Variants in COPB2 observed in about 807,000 individuals in gnomAD.
COPB2 encodes coat protein complex I subunit beta 2.
COPB2 carries 16 observed loss-of-function variants against 120.8 expected under a neutral mutation model. The observed-to-expected ratio is 0.13, with a 90% CI of 0.09 to 0.20. COPB2 has a LOEUF of 0.20. Ranked by LOEUF, COPB2 falls within the 10% of genes least tolerant of loss-of-function variation. COPB2 has a pLI of 1.00. For missense variants in COPB2, 794 were observed against 1,076.5 expected (o/e 0.74, Z 3.67); for synonymous variants, 332 against 366.3 (o/e 0.91, Z 1.07).
intron 21 of COPB2, 98 bp from the exon 22 acceptor site, chr3:139,358,056 A>G (rs1941326051): frequency 9.8e-7 from 1 of 1,025,592 alleles, no homozygotes; most frequent in Non-Finnish European, 1.4e-6. Context: ...AGATTTTCTT[A>G]ATAGTCAAAA....
chr3:139,378,078 T>C lies in COPB2; in HGVS notation c.467A>G (p.Asn156Ser). The C allele has an allele frequency of 1.3e-6, 2 of 1,579,828 alleles. No individual in the cohort carries two copies. Among genetic ancestry groups the C allele is most frequent in the Non-Finnish European group, 8.7e-7 (1 of 1,155,320 alleles). ...MQIVINPKDNNQFASASLDRT... is the reference protein window; with the variant it reads ...MQIVINPKDNSQFASASLDRT... ...GTCCAAAGAGGCACTGGCAAACTGATTGTTATCTTTGGGGTTGATCACAAT... is the reference window on the plus strand; with the variant it reads ...GTCCAAAGAGGCACTGGCAAACTGACTGTTATCTTTGGGGTTGATCACAAT... The change falls in exon 5 of 22, where the codon AAT becomes AGT. Residue 156 changes from asparagine (N) to serine (S), a missense_variant. Asn to Ser is a conservative substitution (Grantham distance 46). Around this residue, in one of 3 missense-constraint regions of COPB2, gnomAD observed 610 missense variants for 866.7 expected, o/e 0.70. Coordinates refer to ENST00000333188, the MANE Select transcript of COPB2 (RefSeq NM_004766.3).
chr3:139,380,368 G>C (rs1389820913), intron 2 of COPB2: 1 of 152,008 alleles, frequency 6.6e-6, no homozygotes, highest in African/African-American at 2.4e-5. Flanking sequence ...CAATTCTTTT[G>C]CATGCTTTAG....
Position 139,375,477 on chromosome 3 carries a change from C to A in COPB2, c.642G>T (p.Trp214Cys). The A allele has an allele frequency of 1.2e-6, 2 of 1,611,456 alleles. No homozygotes were observed. Among genetic ancestry groups the A allele is most frequent in the Non-Finnish European group, 1.7e-6 (2 of 1,178,392 alleles). The change falls in exon 6 of 22, where the codon TGG (tryptophan) becomes TGT (cysteine). Residue 214 changes from tryptophan (W) to cysteine (C), a missense_variant. By Grantham distance (215) the Trp-to-Cys change is radical. Around this residue, in one of 3 missense-constraint regions of COPB2, gnomAD observed 610 missense variants for 866.7 expected, o/e 0.70. Coordinates refer to ENST00000333188, the MANE Select transcript of COPB2 (RefSeq NM_004766.3). ...TTATGAAAAACTGTACCTGATAATC[C>A]CATATTTTAACAAGACGGTCATCTG... is the stretch of plus-strand genomic sequence containing the variant. ...SGADDRLVKI[W>C]DYQNKTCVQT...
chr3:139,357,870 T>C lies in COPB2; in HGVS notation c.2714A>G (p.Asp905Gly). ...TDINLDEDIL[D>G]D ...AAATGGAAAGCATTACAGTCAATCA[T>C]CCAAAATATCTTCATCCAGATTGAT... Residue 905 changes from aspartate (D) to glycine (G), a missense_variant, in exon 22 of 22, where the codon GAT becomes GGT. Coordinates refer to ENST00000333188, the MANE Select transcript of COPB2 (RefSeq NM_004766.3). 2 of 1,556,424 alleles carry C rather than the reference T, an allele frequency of 1.3e-6. No homozygotes were observed. The highest frequency in any genetic ancestry group is 2.2e-5 in the East Asian group (1 of 44,576).
Position 139,374,530 on chromosome 3 carries a change from A to G in COPB2, c.710T>C (p.Phe237Ser), listed in dbSNP as rs1432299179. 1 of 1,614,072 alleles carries G rather than the reference A, an allele frequency of 6.2e-7. No homozygotes were observed. The highest frequency in any genetic ancestry group is 1.7e-5 in the Admixed American group (1 of 60,018). Residue 237 changes from phenylalanine (F) to serine (S), a missense_variant, in exon 7 of 22, where the codon TTT becomes TCT. Physicochemically the swap from Phe to Ser is radical, Grantham distance 155. Coordinates refer to ENST00000333188, the MANE Select transcript of COPB2 (RefSeq NM_004766.3). ...GHAQNVSCASFHPELPIIITG... is the reference protein window; with the variant it reads ...GHAQNVSCASSHPELPIIITG... ...GATAATGATTGGCAACTCAGGATGAAAGCTGGCACAAGACACATTTTGGGC... is the reference window on the plus strand; with the variant it reads ...GATAATGATTGGCAACTCAGGATGAGAGCTGGCACAAGACACATTTTGGGC...
chr3:139,383,787 T>C (rs953669842), intron 1 of COPB2, among the ~76,000 whole-genome samples: 1 of 141,874 alleles, frequency 7.0e-6, no homozygotes, highest in African/African-American at 2.4e-5. Flanking sequence ...AATATTTATA[T>C]ATTAATTCAT....
At chr3:139,364,253 CA>C (rs1941476550) in intron 15 of COPB2, among the ~76,000 whole-genome samples, 1 of 152,100 alleles carries the variant, frequency 6.6e-6, no homozygotes. Context: ...TAAAAACAAA[CA>C]AACTGCCCTA....
intron 15 of COPB2, among the ~76,000 whole-genome samples, chr3:139,365,889 C>A (rs9851318): frequency 0.38 from 57,896 of 151,940 alleles, 13,779 homozygotes; most frequent in Non-Finnish European, 0.53. Flanking sequence ...GAGTAGTGAT[C>A]AATCAAAATT....
chr3:139,365,441 A>T (rs901324560), intron 15 of COPB2, among the ~76,000 whole-genome samples: 2 of 152,242 alleles, frequency 1.3e-5, no homozygotes, highest in Non-Finnish European at 2.9e-5. Context: ...GAACAATGGC[A>T]CTTTCAGATA....
At chr3:139,368,769 C>T (rs147665986) in intron 12 of COPB2, among the ~76,000 whole-genome samples, 4 of 152,112 alleles carry the variant, frequency 2.6e-5, no homozygotes, top group African/African-American at 7.2e-5. Context: ...ACTGAGGATG[C>T]GTGCTCTAGA....
At chr3:139,385,527 T>A (rs1941904225) in intron 1 of COPB2, 1 of 152,196 alleles carries the variant, frequency 6.6e-6, no homozygotes, top group African/African-American at 2.4e-5. Flanking sequence ...TAATGTGTGA[T>A]CAATAAGGGT....
rs1470639058 is a variant in COPB2 at position 139,379,453 on chromosome 3, G to T, written c.155C>A (p.Thr52Lys). ...WNHETQTLVKTFEVCDLPVRA... is the reference protein window; with the variant it reads ...WNHETQTLVKKFEVCDLPVRA... Reference sequence around the variant, plus strand: ...AACAGGAAGATCACATACTTCAAATGTCTTCACCAGTGTCTTTAAAATGTA... The same window carrying T: ...AACAGGAAGATCACATACTTCAAATTTCTTCACCAGTGTCTTTAAAATGTA... The change falls in exon 3 of 22, where the codon ACA becomes AAA. Residue 52 changes from threonine to lysine, a missense_variant. Thr to Lys is a moderately conservative substitution (Grantham distance 78). Coordinates refer to ENST00000333188, the MANE Select transcript of COPB2 (RefSeq NM_004766.3). 6.2e-7 allele frequency: 1 copy of T among 1,613,706 alleles called. No individual in the cohort carries two copies. Among genetic ancestry groups the T allele is most frequent in the South Asian group, 1.1e-5 (1 of 90,984 alleles).
rs112036996 is a variant in COPB2 at position 139,358,059 on chromosome 3, A to T, written c.2626-101T>A. 3.0e-6 allele frequency: 3 copies of T among 1,012,152 alleles called. No individual in the cohort carries two copies. In the African/African-American group the frequency reaches 4.9e-5, roughly 16 times the overall value. 62.7% of individuals were successfully genotyped at this position (1,012,152 alleles called of 1,614,324 possible). A position where few individuals can be genotyped will look rare whatever the true frequency, so the allele number is the denominator to read the frequency against. On this transcript the variant is annotated intron_variant, in intron 21 of 21. Coordinates refer to ENST00000333188, the MANE Select transcript of COPB2 (RefSeq NM_004766.3). ...AAGTGAGAACTAAGATTTTCTTAATAGTCAAAAAGAGCATCTTCCCATTTC... is the reference window on the plus strand; with the variant it reads ...AAGTGAGAACTAAGATTTTCTTAATTGTCAAAAAGAGCATCTTCCCATTTC...
rs566416372 is a variant in COPB2, at chr3:139,365,386, CCAA to C, written c.1884+1179_1884+1181del. Among the ~76,000 whole-genome samples the C allele has an allele frequency of 1.4e-4, 21 of 152,288 alleles. No individual in the cohort carries two copies. The South Asian group carries it at 4.4e-3, about 32-fold the overall frequency. The stretch of plus-strand genomic sequence containing the variant: ...TCAAAATTCTGAGAGAAAATTACCT[CCAA>C]CAATTATATACCAGTTAAATGGTTG... On this transcript the variant is annotated intron_variant, in intron 15 of 21. Transcript: ENST00000333188.
Position 139,368,192 on chromosome 3 carries a change from C to T in COPB2, c.1498G>A (p.Glu500Lys). 1 of 1,613,880 alleles carries T rather than the reference C, an allele frequency of 6.2e-7. No homozygotes were observed. Among genetic ancestry groups the T allele is most frequent in the Non-Finnish European group, 8.5e-7 (1 of 1,179,866 alleles). ...TCTTCAGTAACTCCCTCATGTGTTT[C>T]CTGTGCAGCCAAGACTTTTTCTGAC... Reference protein sequence around the residue: ...YLSEKVLAAQETHEGVTEDGI... With the variant: ...YLSEKVLAAQKTHEGVTEDGI... Residue 500 changes from glutamate (E) to lysine (K), a missense_variant, in exon 13 of 22, where the codon GAA becomes AAA. This residue lies in a region of COPB2 where 610 missense variants were observed against 866.7 expected (regional missense o/e 0.70). Coordinates refer to ENST00000333188, the MANE Select transcript of COPB2 (RefSeq NM_004766.3).
intron 2 of COPB2, chr3:139,379,708 A>T: frequency 2.2e-6 from 1 of 453,832 alleles, no homozygotes; most frequent in East Asian, 4.2e-5. Context: ...GGTATTCCAG[A>T]TCCTCTGTGC....
At chr3:139,359,484 C>A in intron 17 of COPB2, 122 bp from the exon 18 acceptor site, 1 of 788,842 alleles carries the variant, frequency 1.3e-6, no homozygotes, top group South Asian at 1.8e-5. Context: ...ACATATATCT[C>A]ATTTCTGTCA....
intron 7 of COPB2, 96 bp downstream of exon 7, chr3:139,374,393 C>T: frequency 9.9e-7 from 1 of 1,012,882 alleles, no homozygotes; most frequent in Admixed American, 1.9e-5. Context: ...TATCAAAATC[C>T]TTGGAAACCT....
intron 5 of COPB2, among the ~76,000 whole-genome samples, chr3:139,376,474 T>C (rs1941714516): frequency 6.6e-6 from 1 of 152,160 alleles, no homozygotes; most frequent in South Asian, 2.1e-4. Flanking sequence ...ATAAACTTTA[T>C]TGGAACTGAA....
Sources: allele counts gnomAD v4.1 joint callset (sites outside exome capture counted in the v4.1 genomes callset), GRCh38; gene constraint gnomAD v4.1.1; regional missense constraint gnomAD v4.1.1; transcripts MANE v1.5; gene names NCBI Gene and HGNC (gene_info 2026-07-23, HGNC 2026-07-21).